GALNT13: variants seen among roughly 807,000 people sequenced by gnomAD.
The protein encoded by GALNT13 is UDP-GalNAc:polypeptide N-acetylgalactosaminyltransferase 13.
GALNT13 carries 28 observed loss-of-function variants against 64.2 expected under a neutral mutation model. The observed-to-expected ratio is 0.44, with a 90% confidence interval of 0.32 to 0.60. The LOEUF (loss-of-function observed/expected upper bound fraction) is 0.60, where lower values mean the gene tolerates loss of function less well. Among genes scored for constraint, GALNT13 ranks in the 20% least tolerant of loss-of-function variants. The probability of loss-of-function intolerance (pLI) is 0.05; values close to 1 mark genes in which losing one functional copy is unlikely to be tolerated. For missense variants in GALNT13, 577 were observed against 669.8 expected, an observed-to-expected ratio of 0.86 and a Z score of 1.53; for synonymous variants, 214 against 224.6, an observed-to-expected ratio of 0.95 and a Z score of 0.42.
chr2:153,892,893 C>T (rs565617280), intron 1 of GALNT13, among the ~76,000 whole-genome samples: 1 of 152,000 alleles, frequency 6.6e-6, no homozygotes, highest in African/African-American at 2.4e-5. Flanking sequence ...ATTTTATCTG[C>T]AAATTCTTAG....
chr2:154,396,332 CA>C (rs1274930561), intron 10 of GALNT13, among the ~76,000 whole-genome samples: 11 of 149,668 alleles, frequency 7.3e-5, no homozygotes, highest in East Asian at 2.0e-4. Context: ...TAACATTGAA[CA>C]AAAAAAAAAT....
intron 4 of GALNT13, among the ~76,000 whole-genome samples, chr2:154,180,548 A>G (rs1293332492): frequency 6.6e-6 from 1 of 152,132 alleles, no homozygotes; most frequent in Non-Finnish European, 1.5e-5. Context: ...CTGATTATAA[A>G]TGTAATTAAT....
At chr2:153,623,277 G>C in the GALNT13 span, among the ~76,000 whole-genome samples, 427 of 152,046 alleles carry the variant, frequency 2.8e-3, 9 homozygotes, top group Admixed American at 0.023. Context: ...CTTCCTCAAC[G>C]TGCTTTCCCT....
the GALNT13 span, among the ~76,000 whole-genome samples, chr2:153,803,710 A>C: frequency 1.1e-4 from 15 of 140,630 alleles, no homozygotes; most frequent in Admixed American, 7.5e-4. Context: ...AAAAAAAAAG[A>C]AAAAGAAAAA....
chr2:154,363,499 A>G (rs756669233), intron 9 of GALNT13, among the ~76,000 whole-genome samples: 14 of 152,080 alleles, frequency 9.2e-5, no homozygotes, highest in Non-Finnish European at 1.8e-4. Context: ...TAAAAATGCA[A>G]TTTTGTTGCA....
the GALNT13 span, among the ~76,000 whole-genome samples, chr2:153,645,985 A>G: frequency 6.6e-6 from 1 of 152,122 alleles, no homozygotes; most frequent in East Asian, 1.9e-4. Context: ...GTTCATGCTT[A>G]CATGATCTCA....
the GALNT13 span, among the ~76,000 whole-genome samples, chr2:153,677,383 AAC>A: frequency 6.6e-6 from 1 of 151,882 alleles, no homozygotes; most frequent in Non-Finnish European, 1.5e-5. Flanking sequence ...AGAATTTTAA[AAC>A]ACTGCTTAAA....
At chr2:154,050,191 A>C (rs1421373253) in intron 3 of GALNT13, among the ~76,000 whole-genome samples, 2 of 152,110 alleles carry the variant, frequency 1.3e-5, no homozygotes, top group African/African-American at 4.8e-5. Context: ...CCTTTGTATA[A>C]TTTTTTTCAT....
the GALNT13 span, among the ~76,000 whole-genome samples, chr2:153,543,723 C>T: frequency 5.9e-5 from 9 of 152,140 alleles, no homozygotes; most frequent in Non-Finnish European, 1.5e-5. Context: ...TACAAGAAAC[C>T]GTCTTCCTGC....
chr2:153,633,296 C>T, the GALNT13 span, among the ~76,000 whole-genome samples: 1 of 152,136 alleles, frequency 6.6e-6, no homozygotes, highest in South Asian at 2.1e-4. Context: ...TTCTGAATCA[C>T]ACAGCTGAGG....
chr2:154,327,183 C>T (rs1694920870), intron 9 of GALNT13, among the ~76,000 whole-genome samples: 1 of 152,022 alleles, frequency 6.6e-6, no homozygotes, highest in South Asian at 2.1e-4. Context: ...GCTCTTCCTC[C>T]TTCGTTCCTT....
rs889265453 is a variant in GALNT13 at position 154,453,931 on chromosome 2, C to T, written c.*3380C>T. ...CTAATTTTCTGGATAAAATATCCTG[C>T]CTTATGGAAATGAAATATGAAATTT... On this transcript the variant is annotated 3_prime_UTR_variant, in exon 13 of 13. Coordinates refer to ENST00000392825, the MANE Select transcript of GALNT13 (RefSeq NM_052917.4). 6.6e-6 allele frequency: 1 copy of T among 152,024 alleles called. No homozygotes were observed. The highest frequency in any genetic ancestry group is 1.5e-5 in the Non-Finnish European group (1 of 68,008). The allele number at this position is 152,024 out of a possible 1,614,324, so 9.4% of individuals were successfully genotyped here.
At chr2:153,719,852 A>C in the GALNT13 span, among the ~76,000 whole-genome samples, 1 of 151,766 alleles carries the variant, frequency 6.6e-6, no homozygotes, top group African/African-American at 2.4e-5. Flanking sequence ...GCAGTCTGAG[A>C]TCAAACTGCA....
At chr2:153,130,399 A>G in the GALNT13 span, among the ~76,000 whole-genome samples, 2 of 152,106 alleles carry the variant, frequency 1.3e-5, no homozygotes, top group Non-Finnish European at 2.9e-5. Flanking sequence ...TTAAAGAAGT[A>G]TTGATGTAGG....
At chr2:153,536,015 A>G in the GALNT13 span, among the ~76,000 whole-genome samples, 3 of 152,336 alleles carry the variant, frequency 2.0e-5, no homozygotes, top group African/African-American at 7.2e-5. Flanking sequence ...GACTCGGGGC[A>G]TGTTGAGTAA....
the GALNT13 span, among the ~76,000 whole-genome samples, chr2:153,097,629 G>C: frequency 6.6e-6 from 1 of 152,156 alleles, no homozygotes; most frequent in African/African-American, 2.4e-5. Flanking sequence ...TTGTCTGTCA[G>C]AGCCTCTAAT....
At chr2:154,098,840 C>G (rs1051852277) in intron 3 of GALNT13, among the ~76,000 whole-genome samples, 5 of 151,986 alleles carry the variant, frequency 3.3e-5, no homozygotes, top group African/African-American at 1.2e-4. Flanking sequence ...CAGGTTGATT[C>G]CATGACTTTG....
chr2:153,202,237 G>T, the GALNT13 span, among the ~76,000 whole-genome samples: 2 of 151,706 alleles, frequency 1.3e-5, no homozygotes, highest in Non-Finnish European at 2.9e-5. Context: ...ACCCGCCTCG[G>T]CCTCCCAAAG....
chr2:153,660,847 T>C, the GALNT13 span, among the ~76,000 whole-genome samples: 5 of 152,080 alleles, frequency 3.3e-5, no homozygotes, highest in South Asian at 1.0e-3. Context: ...TCAGATGTGA[T>C]ATAGTCACAT....
Sources: gnomAD v4.1 joint callset for allele counts (sites outside exome capture counted in the v4.1 genomes callset) on GRCh38, gnomAD v4.1.1 for gene constraint, MANE v1.5 for transcripts, NCBI Gene and HGNC (gene_info 2026-07-23, HGNC 2026-07-21) for gene names.